NF1: variants seen among roughly 807,000 people sequenced by gnomAD.
The protein encoded by NF1 is neurofibromin.
In NF1, 122 loss-of-function variants were observed where a neutral mutation model predicts 325.7. That is an observed-to-expected ratio of 0.37 (90% CI 0.32 to 0.44). NF1 has a LOEUF of 0.44. Among genes scored for constraint, NF1 ranks in the 20% least tolerant of loss-of-function variants. The probability of loss-of-function intolerance (pLI) is 1.00; values close to 1 mark genes in which losing one functional copy is unlikely to be tolerated. For synonymous variants in NF1, 1,091 were observed against 1,186.0 expected, an observed-to-expected ratio of 0.92 and a Z score of 1.65; for missense variants, 2,140 against 3,415.4, an observed-to-expected ratio of 0.63 and a Z score of 9.31.
chr17:31,358,118 G>A (rs1403005903), intron 54 of NF1: 4 of 278,060 alleles, frequency 1.4e-5, no homozygotes, highest in African/African-American at 4.5e-5. Context: ...CTTCCTAAGC[G>A]CATGTCAGTA....
intron 35 of NF1, 98 bp downstream of exon 35, chr17:31,261,955 G>A: frequency 8.4e-7 from 1 of 1,188,318 alleles, no homozygotes; most frequent in Admixed American, 1.8e-5. Context: ...AGACTATGAG[G>A]AAAGATGTAT....
At position 31,227,525 on chromosome 17, in the gene NF1, T is replaced by G. The variant is rs1555613978; in HGVS notation, c.2328T>G (p.Ala776=). The part of the protein sequence containing the change: ...IEHPTAGNTE[A]WEDTHAKWEQ... Reference sequence around the variant, plus strand: ...AGTGATAATTGCCTTCATTTTAGGCTTGGGAAGATACACATGCAAAATGGG... The same window carrying G: ...AGTGATAATTGCCTTCATTTTAGGCGTGGGAAGATACACATGCAAAATGGG... Residue 776 remains alanine (A), a splice_region_variant and synonymous_variant, in exon 20 of 58, where the codon GCT becomes GCG. Coordinates refer to ENST00000358273, the MANE Select transcript of NF1 (RefSeq NM_001042492.3). 6.2e-7 allele frequency: 1 copy of G among 1,613,740 alleles called. No individual in the cohort carries two copies. The highest frequency in any genetic ancestry group is 1.3e-5 in the African/African-American group (1 of 75,022).
intron 14 of NF1, among the ~76,000 whole-genome samples, chr17:31,219,689 C>A (rs2066889218): frequency 6.9e-6 from 1 of 145,860 alleles, no homozygotes; most frequent in Non-Finnish European, 1.5e-5. Context: ...ACTCTCTAAT[C>A]CATAACATTT....
Position 31,374,455 on chromosome 17 carries a change from T to A in NF1, c.*300T>A. 1 of 472,216 alleles carries A rather than the reference T, an allele frequency of 2.1e-6. No individual in the cohort carries two copies. The allele number at this position is 472,216 out of a possible 1,614,324, so 29.3% of individuals were successfully genotyped here. ...ACTTTTAACTGAGAAATCTCAATTGTAAGAGAGGATGAATTCTTGAATACT... is the reference window on the plus strand; with the variant it reads ...ACTTTTAACTGAGAAATCTCAATTGAAAGAGAGGATGAATTCTTGAATACT... On this transcript the variant is annotated 3_prime_UTR_variant, in exon 58 of 58. Coordinates refer to ENST00000358273, the MANE Select transcript of NF1 (RefSeq NM_001042492.3).
intron 11 of NF1, among the ~76,000 whole-genome samples, chr17:31,205,660 C>T (rs948824638): frequency 2.6e-5 from 4 of 151,766 alleles, no homozygotes; most frequent in African/African-American, 9.7e-5. Context: ...TGTTAGTCTC[C>T]CATATATCAT....
chr17:31,139,470 C>T (rs571148692), intron 1 of NF1, among the ~76,000 whole-genome samples: 1 of 151,530 alleles, frequency 6.6e-6, no homozygotes, highest in South Asian at 2.1e-4. Flanking sequence ...AGAATGTATA[C>T]ATCTATTAAA....
intron 36 of NF1, among the ~76,000 whole-genome samples, chr17:31,285,583 C>T (rs1264499431): frequency 1.3e-5 from 2 of 152,138 alleles, no homozygotes; most frequent in African/African-American, 2.4e-5. Flanking sequence ...CATGGGGGCT[C>T]ACACTTGTAG....
intron 8 of NF1, among the ~76,000 whole-genome samples, chr17:31,184,509 C>T (rs59472107): frequency 0.015 from 2,208 of 150,968 alleles, 51 homozygotes; most frequent in African/African-American, 0.051. Flanking sequence ...ATTAGCCGGG[C>T]GAGGTGGCGG....
Position 31,111,669 on chromosome 17 carries a change from C to A in NF1, c.60+16300C>A, listed in dbSNP as rs1488291281. On this transcript the variant is annotated intron_variant, in intron 1 of 57. Coordinates refer to ENST00000358273, the MANE Select transcript of NF1 (RefSeq NM_001042492.3). ...ACCTTCAGCAGAAATATCCTTCAGACAAGAAGGCGAAATAAAGACATTTTT... is the reference window on the plus strand; with the variant it reads ...ACCTTCAGCAGAAATATCCTTCAGAAAAGAAGGCGAAATAAAGACATTTTT... Among the ~76,000 whole-genome samples the A allele has an allele frequency of 5.4e-4, 82 of 152,242 alleles. 1 individual carries two copies. The highest frequency in any genetic ancestry group is 4.4e-5 in the Non-Finnish European group (3 of 68,008).
intron 53 of NF1, 85 bp from the exon 54 acceptor site, chr17:31,357,184 A>G (rs2070293174): frequency 1.3e-6 from 2 of 1,589,606 alleles, no homozygotes; most frequent in African/African-American, 1.3e-5. Flanking sequence ...TGAATAGGAT[A>G]CAGTCTTCTA....
At chr17:31,207,784 A>C (rs2066649895) in intron 12 of NF1, among the ~76,000 whole-genome samples, 1 of 152,190 alleles carries the variant, frequency 6.6e-6, no homozygotes, top group African/African-American at 2.4e-5. Context: ...AAGTTGTTTA[A>C]AAGTTATTTA....
At chr17:31,308,588 G>C (rs557986470) in intron 36 of NF1, among the ~76,000 whole-genome samples, 1 of 152,120 alleles carries the variant, frequency 6.6e-6, no homozygotes, top group Admixed American at 6.5e-5. Flanking sequence ...ATTTTTCCCT[G>C]CTAAACAGAC....
chr17:31,153,229 CTTTAT>C (rs1917069635), intron 1 of NF1, among the ~76,000 whole-genome samples: 1 of 152,144 alleles, frequency 6.6e-6, no homozygotes, highest in South Asian at 2.1e-4. Flanking sequence ...TTTAAATAAA[CTTTAT>C]TTAATAATAA....
intron 51 of NF1, 152 bp from the exon 52 acceptor site, chr17:31,356,308 G>A (rs1413248920): frequency 3.4e-5 from 24 of 702,772 alleles, no homozygotes; most frequent in Non-Finnish European, 4.3e-5. Flanking sequence ...GGAAAATAAA[G>A]GAAAGAAACT....
chr17:31,282,164 CG>C (rs932558877), intron 36 of NF1, among the ~76,000 whole-genome samples: 1 of 151,884 alleles, frequency 6.6e-6, no homozygotes, highest in African/African-American at 2.4e-5. Flanking sequence ...AGGTGAATCC[CG>C]AGGTCAGGAG....
At chr17:31,332,582 T>G (rs1372263095) in intron 39 of NF1, among the ~76,000 whole-genome samples, 1 of 41,502 alleles carries the variant, frequency 2.4e-5, no homozygotes, top group African/African-American at 4.7e-5. Flanking sequence ...TGGTTTTTTT[T>G]TTTTTTTTAT....
intron 14 of NF1, 44 bp downstream of exon 14, chr17:31,219,162 AC>A (rs1661270289): frequency 1.3e-6 from 2 of 1,573,138 alleles, no homozygotes; most frequent in Non-Finnish European, 1.7e-6. Flanking sequence ...AAAGATTGTA[AC>A]TATGTACATT....
At chr17:31,106,922 T>C (rs1912911351) in intron 1 of NF1, among the ~76,000 whole-genome samples, 1 of 152,210 alleles carries the variant, frequency 6.6e-6, no homozygotes, top group Non-Finnish European at 1.5e-5. Context: ...CACAGTCTAT[T>C]TTTGTAAAGT....
chr17:31,116,483 A>C (rs956063322), intron 1 of NF1, among the ~76,000 whole-genome samples: 1 of 152,092 alleles, frequency 6.6e-6, no homozygotes, highest in Non-Finnish European at 1.5e-5. Context: ...GGACCTGTCT[A>C]ACCTACCTGC....
Sources: gnomAD v4.1 joint callset for allele counts (sites outside exome capture counted in the v4.1 genomes callset) on GRCh38, gnomAD v4.1.1 for gene constraint, MANE v1.5 for transcripts, NCBI Gene and HGNC (gene_info 2026-07-23, HGNC 2026-07-21) for gene names.